CNTNAP5: variants seen among roughly 807,000 people sequenced by gnomAD.
CNTNAP5 encodes the protein contactin-associated protein-like 5.
CNTNAP5 carries 72 observed loss-of-function variants against 150.2 expected under a neutral mutation model. The ratio of observed to expected loss-of-function variants is 0.48; its 90% CI spans 0.40 to 0.58. CNTNAP5 has a LOEUF of 0.58. Ranked by LOEUF, CNTNAP5 falls within the 20% of genes least tolerant of loss-of-function variation. CNTNAP5 has a pLI of 0.00. For synonymous variants in CNTNAP5, 672 were observed against 619.8 expected (o/e 1.08, Z -1.25); for missense variants, 1,636 against 1,626.2 (o/e 1.01, Z -0.10).
chr2:124,285,323 T>C (rs1044598317), intron 3 of CNTNAP5, among the ~76,000 whole-genome samples: 1 of 152,192 alleles, frequency 6.6e-6, no homozygotes, highest in Non-Finnish European at 1.5e-5. Flanking sequence ...GGACATAGGC[T>C]GAGCTCCCTT....
In CNTNAP5 at chr2:124,165,183, A is replaced by C. The variant is rs149123179; in HGVS notation, c.83-56522A>C. 2.3e-3 allele frequency among the ~76,000 whole-genome samples: 351 copies of C among 152,304 alleles called. 3 individuals carry two copies. The highest frequency in any genetic ancestry group is 0.022 in the South Asian group (108 of 4,822). On this transcript the variant is annotated intron_variant, in intron 1 of 23. Transcript: ENST00000682447. Reference sequence around the variant, plus strand: ...CTAACAGGGCAGCTAATGTGTTCATAGTCAAAGCCACAGTCTTTTGAGTCA... The same window carrying C: ...CTAACAGGGCAGCTAATGTGTTCATCGTCAAAGCCACAGTCTTTTGAGTCA...
chr2:124,338,889 A>G (rs1021591913), intron 3 of CNTNAP5, among the ~76,000 whole-genome samples: 7 of 152,142 alleles, frequency 4.6e-5, no homozygotes, highest in African/African-American at 1.7e-4. Flanking sequence ...TTGAAAATAA[A>G]CATTCAGGTA....
At chr2:124,793,823 T>G (rs1470073704) in intron 18 of CNTNAP5, among the ~76,000 whole-genome samples, 1 of 152,200 alleles carries the variant, frequency 6.6e-6, no homozygotes, top group Non-Finnish European at 1.5e-5. Context: ...AATAAAGAAC[T>G]TGGGTACCAC....
At chr2:124,545,551 G>A (rs1573449746) in intron 10 of CNTNAP5, among the ~76,000 whole-genome samples, 1 of 152,004 alleles carries the variant, frequency 6.6e-6, no homozygotes, top group East Asian at 1.9e-4. Flanking sequence ...TTTATTAATT[G>A]GGATTCTAGT....
intron 7 of CNTNAP5, among the ~76,000 whole-genome samples, chr2:124,477,574 G>T (rs1174417033): frequency 6.6e-6 from 1 of 151,870 alleles, no homozygotes; most frequent in African/African-American, 2.4e-5. Context: ...AATGCCCAAG[G>T]CTCCTGACAA....
intron 14 of CNTNAP5, among the ~76,000 whole-genome samples, chr2:124,757,080 G>C (rs1432462314): frequency 6.6e-6 from 1 of 152,094 alleles, no homozygotes. Context: ...ATAGCACTGA[G>C]GTTCCTTCTC....
At chr2:124,460,759 G>A (rs1220651666) in intron 6 of CNTNAP5, among the ~76,000 whole-genome samples, 1 of 152,048 alleles carries the variant, frequency 6.6e-6, no homozygotes, top group Non-Finnish European at 1.5e-5. Flanking sequence ...CTTTTACTTG[G>A]CGTTGCCTAA....
chr2:124,345,157 C>T (rs1403318069), intron 3 of CNTNAP5, among the ~76,000 whole-genome samples: 2 of 152,182 alleles, frequency 1.3e-5, no homozygotes, highest in African/African-American at 4.8e-5. Flanking sequence ...TTCAGTGTTA[C>T]AGAGTCCTTT....
At chr2:124,364,942 A>G (rs1690329762) in intron 3 of CNTNAP5, among the ~76,000 whole-genome samples, 1 of 152,168 alleles carries the variant, frequency 6.6e-6, no homozygotes, top group Non-Finnish European at 1.5e-5. Flanking sequence ...CTGGCACACC[A>G]TCAATGTGTG....
chr2:124,881,849 C>T (rs1020657250), intron 21 of CNTNAP5, among the ~76,000 whole-genome samples: 3 of 152,008 alleles, frequency 2.0e-5, no homozygotes, highest in Non-Finnish European at 4.4e-5. Context: ...GGCCTTTGTG[C>T]TTTGTCTATG....
chr2:124,738,262 T>G (rs1680428164), intron 13 of CNTNAP5, among the ~76,000 whole-genome samples: 1 of 152,226 alleles, frequency 6.6e-6, no homozygotes, highest in Admixed American at 6.5e-5. Flanking sequence ...ACTCTGCATT[T>G]GAAAACTAAT....
chr2:124,408,034 C>T (rs534887216), intron 3 of CNTNAP5, among the ~76,000 whole-genome samples: 84 of 151,846 alleles, frequency 5.5e-4, no homozygotes, highest in Middle Eastern at 3.4e-3. Context: ...GCGCACCGTA[C>T]GCCAGCCGAA....
intron 21 of CNTNAP5, among the ~76,000 whole-genome samples, chr2:124,887,695 A>G (rs1678109474): frequency 6.6e-6 from 1 of 152,144 alleles, no homozygotes; most frequent in Non-Finnish European, 1.5e-5. Context: ...CATTCTAGAA[A>G]GAAAACTTGG....
At chr2:124,894,298 A>G (rs561269487) in intron 21 of CNTNAP5, among the ~76,000 whole-genome samples, 20 of 151,870 alleles carry the variant, frequency 1.3e-4, no homozygotes, top group African/African-American at 4.6e-4. Context: ...TCATTGGAGT[A>G]GGATATATTT....
intron 17 of CNTNAP5, among the ~76,000 whole-genome samples, chr2:124,777,307 T>C (rs569501422): frequency 6.6e-6 from 1 of 152,260 alleles, no homozygotes; most frequent in African/African-American, 2.4e-5. Flanking sequence ...AAATTTTGTC[T>C]CTTCTTGAAG....
intron 13 of CNTNAP5, among the ~76,000 whole-genome samples, chr2:124,699,819 T>G (rs2105088573): frequency 6.6e-6 from 1 of 151,700 alleles, no homozygotes; most frequent in Non-Finnish European, 1.5e-5. Flanking sequence ...TCTTTCTTTC[T>G]TTCTTTCCTT....
At chr2:124,492,405 G>C (rs1172885943) in intron 7 of CNTNAP5, among the ~76,000 whole-genome samples, 1 of 152,112 alleles carries the variant, frequency 6.6e-6, no homozygotes, top group African/African-American at 2.4e-5. Flanking sequence ...GTTTATTTCT[G>C]AGTTCTGAGT....
intron 8 of CNTNAP5, among the ~76,000 whole-genome samples, chr2:124,515,014 A>G (rs1464601360): frequency 6.6e-6 from 1 of 152,160 alleles, no homozygotes; most frequent in Non-Finnish European, 1.5e-5. Flanking sequence ...ATCAACCACA[A>G]ATGCATCGTG....
At chr2:124,712,325 C>T (rs1679824620) in intron 13 of CNTNAP5, among the ~76,000 whole-genome samples, 1 of 152,258 alleles carries the variant, frequency 6.6e-6, no homozygotes, top group African/African-American at 2.4e-5. Context: ...TCACAACAAC[C>T]ATATTTGCTA....
Sources: gnomAD v4.1 joint callset for allele counts (sites outside exome capture counted in the v4.1 genomes callset) on GRCh38, gnomAD v4.1.1 for gene constraint, MANE v1.5 for transcripts, NCBI Gene and HGNC (gene_info 2026-07-23, HGNC 2026-07-21) for gene names.